Variants in CSMD3 observed in about 807,000 individuals in gnomAD.
The protein encoded by CSMD3 is CUB and Sushi multiple domains 3, also known as CUB and sushi domain-containing protein 3.
CSMD3 carries 177 observed loss-of-function variants against 435.2 expected under a neutral mutation model. The ratio of observed to expected loss-of-function variants is 0.41; its 90% CI spans 0.36 to 0.46. CSMD3 has a LOEUF of 0.46. Ranked by LOEUF, CSMD3 falls within the 20% of genes least tolerant of loss-of-function variation. CSMD3 has a pLI of 0.34. For missense variants in CSMD3, 4,265 were observed against 4,504.6 expected (o/e 0.95, Z 1.52); for synonymous variants, 1,656 against 1,520.5 (o/e 1.09, Z -2.07).
chr8:112,880,019 T>C (rs1413053659), intron 10 of CSMD3, among the ~76,000 whole-genome samples: 3 of 152,008 alleles, frequency 2.0e-5, no homozygotes, highest in Admixed American at 1.3e-4. Flanking sequence ...TGTATTCCTA[T>C]GTAACAAACC....
intron 45 of CSMD3, among the ~76,000 whole-genome samples, chr8:112,324,712 A>T (rs1002230268): frequency 6.6e-6 from 1 of 152,000 alleles, no homozygotes. Context: ...GATTTCATTT[A>T]TTTTAAGCTG....
At chr8:112,810,209 A>G (rs1432817452) in intron 12 of CSMD3, among the ~76,000 whole-genome samples, 3 of 152,168 alleles carry the variant, frequency 2.0e-5, no homozygotes, top group African/African-American at 7.2e-5. Context: ...CAGTCCAATT[A>G]TTGGCAGAGT....
At chr8:112,341,376 TC>T (rs1825096118) in intron 42 of CSMD3, 100 bp downstream of exon 42, 7 of 853,020 alleles carry the variant, frequency 8.2e-6, no homozygotes, top group African/African-American at 3.5e-5. Flanking sequence ...TTTTTTTTTT[TC>T]TTTCTAAAAC....
intron 10 of CSMD3, among the ~76,000 whole-genome samples, chr8:112,859,565 C>A (rs1233364391): frequency 6.6e-6 from 1 of 151,438 alleles, no homozygotes; most frequent in African/African-American, 2.4e-5. Flanking sequence ...GTATATGTAC[C>A]CAATATTGTG....
At chr8:112,600,023 A>AT (rs923948786) in intron 22 of CSMD3, among the ~76,000 whole-genome samples, 19 of 149,958 alleles carry the variant, frequency 1.3e-4, no homozygotes, top group Admixed American at 8.0e-4. Context: ...GTATATATAT[A>AT]AAAAAAAGGA....
chr8:112,294,022 G>T lies in CSMD3; in HGVS notation c.8615-1312C>A, dbSNP rs909600802. On this transcript the variant is annotated intron_variant, in intron 54 of 70. Transcript: ENST00000297405. ...GCTATGCTTGAATATAAATGAAAAA[G>T]AACATATCCAGGGCAGACACAAGCA... Among the ~76,000 whole-genome samples the T allele has an allele frequency of 1.2e-3, 187 of 151,998 alleles. 1 individual carries two copies. The highest frequency in any genetic ancestry group is 2.2e-3 in the Non-Finnish European group (150 of 67,906).
chr8:112,598,604 C>A (rs1021417029), intron 22 of CSMD3, among the ~76,000 whole-genome samples: 5 of 150,666 alleles, frequency 3.3e-5, no homozygotes, highest in African/African-American at 1.2e-4. Context: ...CATCACACTA[C>A]CTGACTTCAA....
At chr8:112,225,141 C>A (rs1196240584) in intron 70 of CSMD3, among the ~76,000 whole-genome samples, 2 of 151,994 alleles carry the variant, frequency 1.3e-5, no homozygotes, top group African/African-American at 4.8e-5. Flanking sequence ...TATTTATGTA[C>A]AGCATCAATA....
At chr8:113,426,572 A>G (rs2094636901) in intron 1 of CSMD3, among the ~76,000 whole-genome samples, 2 of 151,526 alleles carry the variant, frequency 1.3e-5, no homozygotes, top group South Asian at 4.1e-4. Context: ...AATATCAAAT[A>G]ACAAAACACA....
chr8:112,561,877 A>G (rs1828655089), intron 24 of CSMD3, among the ~76,000 whole-genome samples: 1 of 151,684 alleles, frequency 6.6e-6, no homozygotes, highest in South Asian at 2.1e-4. Flanking sequence ...ATACCCAGGC[A>G]TGCACACATG....
intron 3 of CSMD3, among the ~76,000 whole-genome samples, chr8:113,233,186 A>G (rs185396607): frequency 1.6e-4 from 25 of 151,844 alleles, no homozygotes; most frequent in African/African-American, 5.8e-4. Context: ...TTTCCAATCG[A>G]TAACTCATAT....
chr8:112,280,415 C>A (rs1199380846), intron 59 of CSMD3, among the ~76,000 whole-genome samples: 1 of 151,892 alleles, frequency 6.6e-6, no homozygotes, highest in African/African-American at 2.4e-5. Context: ...GGACTCCAGG[C>A]ATGCACCACC....
chr8:112,858,939 T>G (rs1364598918), intron 11 of CSMD3, among the ~76,000 whole-genome samples: 2 of 151,910 alleles, frequency 1.3e-5, no homozygotes, highest in African/African-American at 2.4e-5. Flanking sequence ...GGTTTATATG[T>G]TAGTAGCTTG....
At chr8:113,418,920 C>A (rs1374549701) in intron 1 of CSMD3, among the ~76,000 whole-genome samples, 2 of 152,086 alleles carry the variant, frequency 1.3e-5, no homozygotes, top group Admixed American at 6.6e-5. Context: ...ACAAACTTAA[C>A]TGGAGAAATT....
At chr8:113,258,885 A>G (rs1431303341) in intron 3 of CSMD3, among the ~76,000 whole-genome samples, 2 of 152,130 alleles carry the variant, frequency 1.3e-5, no homozygotes, top group South Asian at 4.1e-4. Context: ...TAAAGACCAT[A>G]AGAAGTGGTA....
At chr8:112,337,446 A>C in intron 43 of CSMD3, 97 bp downstream of exon 43, 2 of 879,692 alleles carry the variant, frequency 2.3e-6, no homozygotes, top group Non-Finnish European at 3.8e-6. Context: ...CTATATATTT[A>C]GCATGCTATT....
At chr8:112,723,692 T>C (rs150787371) in intron 13 of CSMD3, among the ~76,000 whole-genome samples, 1,546 of 152,144 alleles carry the variant, frequency 0.01, 25 homozygotes, top group African/African-American at 0.034. Flanking sequence ...GCTACCTAGG[T>C]TTAAATCCCA....
At chr8:113,033,540 T>G (rs1330412125) in intron 5 of CSMD3, among the ~76,000 whole-genome samples, 1 of 151,578 alleles carries the variant, frequency 6.6e-6, no homozygotes, top group Non-Finnish European at 1.5e-5. Flanking sequence ...TGTACCTGCA[T>G]TGTATCTTGG....
At chr8:113,380,673 C>T (rs982469970) in intron 1 of CSMD3, among the ~76,000 whole-genome samples, 2 of 152,106 alleles carry the variant, frequency 1.3e-5, no homozygotes, top group Non-Finnish European at 2.9e-5. Context: ...ACAAAAATGA[C>T]TTTAAACTAT....
Sources: allele counts gnomAD v4.1 joint callset (sites outside exome capture counted in the v4.1 genomes callset), GRCh38; gene constraint gnomAD v4.1.1; transcripts MANE v1.5; gene names NCBI Gene and HGNC (gene_info 2026-07-23, HGNC 2026-07-21).